SRSF3: variants seen among roughly 807,000 people sequenced by gnomAD.
SRSF3 encodes serine/arginine-rich splicing factor 3.
For missense variants in SRSF3, 58 were observed against 217.1 expected, an observed-to-expected ratio of 0.27 and a Z score of 4.61; for synonymous variants, 87 against 73.6, an observed-to-expected ratio of 1.18 and a Z score of -0.93.
intron 4 of SRSF3, 116 bp from the exon 5 acceptor site, chr6:36,601,592 C>A: frequency 1.0e-6 from 1 of 972,428 alleles, no homozygotes; most frequent in Non-Finnish European, 1.6e-6. Flanking sequence ...GAGCCTCCTG[C>A]CTCTGCCTCC....
Position 36,604,927 on chromosome 6 carries a change from T to C in SRSF3, c.*2938T>C, listed in dbSNP as rs1778786405. 6.6e-6 allele frequency: 1 copy of C among 152,226 alleles called. No individual in the cohort carries two copies. The highest frequency in any genetic ancestry group is 1.5e-5 in the Non-Finnish European group (1 of 68,036). The allele number at this position is 152,226 out of a possible 1,614,324, so 9.4% of individuals were successfully genotyped here. A position where few individuals can be genotyped will look rare whatever the true frequency, so the allele number is the denominator to read the frequency against. ...AGTTCTGAATGAGATTTAGTTGTCA[T>C]ACCTAGTTGGTGGTAATTTCTTAGT... On this transcript the variant is annotated 3_prime_UTR_variant, in exon 6 of 6. Transcript: ENST00000373715.
Position 36,603,907 on chromosome 6 carries a change from G to A in SRSF3, c.*1918G>A, listed in dbSNP as rs973053748. ...GGTTTCTGTAAAAAGGACAGTTACG[G>A]GTATAATATGGCTAAGAGAAATAAT... On this transcript the variant is annotated 3_prime_UTR_variant, in exon 6 of 6. Coordinates refer to ENST00000373715, the MANE Select transcript of SRSF3 (RefSeq NM_003017.5). 4.4e-6 allele frequency: 1 copy of A among 228,080 alleles called. No individual in the cohort carries two copies. The highest frequency in any genetic ancestry group is 2.2e-5 in the African/African-American group (1 of 44,858). The allele number at this position is 228,080 out of a possible 1,614,324, so 14.1% of individuals were successfully genotyped here.
intron 1 of SRSF3, among the ~76,000 whole-genome samples, chr6:36,595,617 C>T (rs1416515793): frequency 6.6e-6 from 1 of 152,156 alleles, no homozygotes; most frequent in African/African-American, 2.4e-5. Flanking sequence ...GCTTCTTTAA[C>T]TTAGCGTAAT....
rs763646675 is a variant in SRSF3, at chr6:36,596,777, C to T, written c.15C>T (p.Ser5=). The change falls in exon 2 of 6, where the codon TCC becomes TCT. Residue 5 remains serine, a synonymous_variant. Transcript: ENST00000373715. The part of the protein sequence containing the change: MHRD[S]CPLDCKVYVG... ...TCATTACAGAAATGCATCGTGATTC[C>T]TGTCCATTGGACTGTAAGGTTTATG... 2.1e-4 allele frequency: 341 copies of T among 1,613,746 alleles called. No homozygotes were observed. The highest frequency in any genetic ancestry group is 2.8e-4 in the Non-Finnish European group (325 of 1,179,898).
chr6:36,601,935 G>GTTTTTTTTTTTTT, intron 5 of SRSF3, 27 bp from the exon 6 acceptor site: 3 of 1,318,552 alleles, frequency 2.3e-6, no homozygotes, highest in Non-Finnish European at 2.9e-6. Flanking sequence ...GTAATGTTTT[G>GTTTTTTTTTTTTT]TTTTCTTTTT....
chr6:36,599,634 T>A (rs1444301679), intron 3 of SRSF3: 2 of 401,250 alleles, frequency 5.0e-6, no homozygotes, highest in Non-Finnish European at 9.6e-6. Context: ...TACAGGTGAG[T>A]GGAGTCCTTC....
intron 1 of SRSF3, among the ~76,000 whole-genome samples, 187 bp from the exon 2 acceptor site, chr6:36,596,574 C>CGGGGGGGGGGGGGGGGGGGGGGGGGG (rs34650091): frequency 1.1e-5 from 1 of 91,962 alleles, no homozygotes; most frequent in Non-Finnish European, 2.1e-5. Flanking sequence ...GGCGGGGTGG[C>CGGGGGGGGGGGGGGGGGGGGGGGGGG]GGGGGGGGGG....
rs888455660 is a variant in SRSF3 at position 36,602,359 on chromosome 6, C to T, written c.*370C>T. ...CTGGCAAAAATTGAACTAAGATTTA[C>T]TTTTTTTTCCATAGCTGGGATATAG... On this transcript the variant is annotated 3_prime_UTR_variant, in exon 6 of 6. Transcript: ENST00000373715. The T allele has an allele frequency of 2.7e-5, 7 of 257,756 alleles. No homozygotes were observed. The highest frequency in any genetic ancestry group is 1.6e-4 in the South Asian group (1 of 6,382). 16.0% of individuals were successfully genotyped at this position (257,756 alleles called of 1,614,324 possible).
chr6:36,603,292 T>A lies in SRSF3; in HGVS notation c.*1303T>A, dbSNP rs907949432. On this transcript the variant is annotated 3_prime_UTR_variant, in exon 6 of 6. Coordinates refer to ENST00000373715, the MANE Select transcript of SRSF3 (RefSeq NM_003017.5). ...ATGGGAATTCTAAGCTGATCCATCA[T>A]GATGTAAAAGTTCACAATATGGTTC... 1.6e-4 allele frequency: 35 copies of A among 224,926 alleles called. No homozygotes were observed. The highest frequency in any genetic ancestry group is 8.9e-6 in the Non-Finnish European group (1 of 112,656). 13.9% of individuals were successfully genotyped at this position (224,926 alleles called of 1,614,324 possible). A position where few individuals can be genotyped will look rare whatever the true frequency, so the allele number is the denominator to read the frequency against.
chr6:36,596,518 C>G (rs186142403), intron 1 of SRSF3, among the ~76,000 whole-genome samples: 1 of 130,024 alleles, frequency 7.7e-6, no homozygotes, highest in Non-Finnish European at 1.5e-5. Flanking sequence ...CTGTTTTTTT[C>G]TTCACTAATT....
chr6:36,601,333 G>C (rs1778712581), intron 4 of SRSF3, 143 bp downstream of exon 4: 2 of 800,564 alleles, frequency 2.5e-6, no homozygotes, highest in Admixed American at 5.7e-5. Flanking sequence ...AGCTTTCTTT[G>C]AGTTTTCAAA....
rs1467115229 is a variant in SRSF3 at position 36,602,421 on chromosome 6, T to C, written c.*432T>C. 1 of 232,862 alleles carries C rather than the reference T, an allele frequency of 4.3e-6. No individual in the cohort carries two copies. Among genetic ancestry groups the C allele is most frequent in the East Asian group, 6.3e-5 (1 of 15,928 alleles). 14.4% of individuals were successfully genotyped at this position (232,862 alleles called of 1,614,324 possible). A position where few individuals can be genotyped will look rare whatever the true frequency, so the allele number is the denominator to read the frequency against. On this transcript the variant is annotated 3_prime_UTR_variant, in exon 6 of 6. Coordinates refer to ENST00000373715, the MANE Select transcript of SRSF3 (RefSeq NM_003017.5). ...AGTTGAACAAGCAGTCTTTAAAAACTGCTGTGAAACACAGGCCATCAGGGA... is the reference window on the plus strand; with the variant it reads ...AGTTGAACAAGCAGTCTTTAAAAACCGCTGTGAAACACAGGCCATCAGGGA...
At chr6:36,595,848 GTCTA>G (rs762385342) in intron 1 of SRSF3, among the ~76,000 whole-genome samples, 18 of 152,072 alleles carry the variant, frequency 1.2e-4, no homozygotes, top group Non-Finnish European at 1.9e-4. Context: ...TAAGACTCTG[GTCTA>G]TCTAATGACA....
chr6:36,599,769 T>A (rs1270937628), intron 3 of SRSF3: 1 of 1,260,516 alleles, frequency 7.9e-7, no homozygotes, highest in Non-Finnish European at 1.1e-6. Flanking sequence ...TTGTTTTTCA[T>A]TTTTTTTGTG....
At chr6:36,596,579 G>GGGGGGGGGGGGGGT in intron 1 of SRSF3, among the ~76,000 whole-genome samples, 182 bp from the exon 2 acceptor site, 1 of 143,374 alleles carries the variant, frequency 7.0e-6, no homozygotes, top group Admixed American at 6.9e-5. Flanking sequence ...GGTGGCGGGG[G>GGGGGGGGGGGGGGT]GGGGGAAATG....
In SRSF3 at chr6:36,604,293, G is replaced by T. The variant is rs796088252; in HGVS notation, c.*2304G>T. On this transcript the variant is annotated 3_prime_UTR_variant, in exon 6 of 6. Coordinates refer to ENST00000373715, the MANE Select transcript of SRSF3 (RefSeq NM_003017.5). ...GATGACAATGTAAAGAAACATTAAG[G>T]ATTATATTTGATTGTTTTCAAAGAC... 6.2e-5 allele frequency: 13 copies of T among 209,954 alleles called. No individual in the cohort carries two copies. Among genetic ancestry groups the T allele is most frequent in the African/African-American group, 2.9e-4 (13 of 44,148 alleles). The allele number at this position is 209,954 out of a possible 1,614,324, so 13.0% of individuals were successfully genotyped here.
chr6:36,598,030 G>T (rs1778661089), intron 2 of SRSF3, among the ~76,000 whole-genome samples: 1 of 152,036 alleles, frequency 6.6e-6, no homozygotes, highest in Non-Finnish European at 1.5e-5. Flanking sequence ...CTGTTGAGGG[G>T]AGAGGGTGCT....
In SRSF3 at chr6:36,604,203, A is replaced by C. The variant is rs1778774405; in HGVS notation, c.*2214A>C. 2 of 220,830 alleles carry C rather than the reference A, an allele frequency of 9.1e-6. No homozygotes were observed. Among genetic ancestry groups the C allele is most frequent in the African/African-American group, 2.2e-5 (1 of 44,652 alleles). The allele number at this position is 220,830 out of a possible 1,614,324, so 13.7% of individuals were successfully genotyped here. A position where few individuals can be genotyped will look rare whatever the true frequency, so the allele number is the denominator to read the frequency against. On this transcript the variant is annotated 3_prime_UTR_variant, in exon 6 of 6. Coordinates refer to ENST00000373715, the MANE Select transcript of SRSF3 (RefSeq NM_003017.5). Reference sequence around the variant, plus strand: ...AGTGTAAAAATGAAAGGAATCACAAAACTGAACTTAGACCTGTGGTTTAAG... The same window carrying C: ...AGTGTAAAAATGAAAGGAATCACAACACTGAACTTAGACCTGTGGTTTAAG...
intron 3 of SRSF3, 102 bp from the exon 4 acceptor site, chr6:36,601,050 G>C: frequency 2.0e-6 from 1 of 502,036 alleles, no homozygotes; most frequent in South Asian, 3.5e-5. Flanking sequence ...CAGTTCTTCG[G>C]CACATTCACT....
Sources: gnomAD v4.1 joint callset for allele counts (sites outside exome capture counted in the v4.1 genomes callset) on GRCh38, gnomAD v4.1.1 for gene constraint, MANE v1.5 for transcripts, NCBI Gene and HGNC (gene_info 2026-07-23, HGNC 2026-07-21) for gene names.